Variants in NEDD4 observed in about 807,000 individuals in gnomAD.
NEDD4 encodes E3 ubiquitin-protein ligase NEDD4.
In NEDD4, 99 loss-of-function variants were observed where a neutral mutation model predicts 144.9. The observed-to-expected ratio is 0.68, with a 90% CI of 0.58 to 0.81. The LOEUF (loss-of-function observed/expected upper bound fraction) is 0.81, where lower values mean the gene tolerates loss of function less well. NEDD4 is among the 30% of genes least tolerant of loss of function. The pLI is 0.00. For missense variants in NEDD4, 985 were observed against 1,065.9 expected, an observed-to-expected ratio of 0.92 and a Z score of 1.06; for synonymous variants, 318 against 350.6, an observed-to-expected ratio of 0.91 and a Z score of 1.04.
At chr15:55,868,657 T>C (rs1324490146) in intron 8 of NEDD4, among the ~76,000 whole-genome samples, 1 of 152,126 alleles carries the variant, frequency 6.6e-6, no homozygotes, top group East Asian at 1.9e-4. Flanking sequence ...TGGAACTGAG[T>C]CCATTAAACC....
At chr15:55,954,412 T>C (rs1370582698) in intron 2 of NEDD4, among the ~76,000 whole-genome samples, 3 of 152,202 alleles carry the variant, frequency 2.0e-5, no homozygotes, top group Non-Finnish European at 4.4e-5. Context: ...CAACTAACTA[T>C]ATACTATTAA....
At chr15:55,915,258 A>G (rs2036398544) in intron 5 of NEDD4, 2 of 1,525,748 alleles carry the variant, frequency 1.3e-6, no homozygotes, top group South Asian at 2.7e-5. Context: ...ATAAATTAAC[A>G]TTTACCAAGA....
At chr15:55,900,464 G>C (rs1373130322) in intron 5 of NEDD4, among the ~76,000 whole-genome samples, 2 of 152,154 alleles carry the variant, frequency 1.3e-5, no homozygotes, top group Non-Finnish European at 2.9e-5. Context: ...GATTTGACTA[G>C]CTTGCTCCAA....
At chr15:55,939,140 C>T (rs1283171328) in intron 4 of NEDD4, among the ~76,000 whole-genome samples, 2 of 122,294 alleles carry the variant, frequency 1.6e-5, no homozygotes, top group African/African-American at 6.2e-5. Context: ...AAAAACCCAC[C>T]ACCAACAATA....
chr15:55,974,590 A>G (rs1436115203), intron 1 of NEDD4, among the ~76,000 whole-genome samples: 2 of 152,202 alleles, frequency 1.3e-5, no homozygotes, highest in African/African-American at 4.8e-5. Flanking sequence ...TGGGATTCAT[A>G]TCAGGGATGA....
chr15:55,983,599 AATT>A (rs1431810833), intron 1 of NEDD4, among the ~76,000 whole-genome samples: 1 of 149,030 alleles, frequency 6.7e-6, no homozygotes, highest in Non-Finnish European at 1.5e-5. Context: ...AAAATTAATT[AATT>A]TTTAGATATA....
chr15:55,946,124 A>G lies in NEDD4; in HGVS notation c.237+5252T>C, dbSNP rs552950279. On this transcript the variant is annotated intron_variant, in intron 4 of 28. Coordinates refer to ENST00000435532, the MANE Select transcript of NEDD4 (RefSeq NM_006154.4). ...ACGAGCAAAATAACCAGTGAACATC[A>G]TAATTACAGGATCAAATTCACACAT... Among the ~76,000 whole-genome samples, 6 of 152,216 alleles carry G rather than the reference A, an allele frequency of 3.9e-5. No homozygotes were observed. The South Asian group carries it at 8.3e-4, about 21-fold the overall frequency.
At chr15:55,991,743 T>A (rs1296928928) in intron 1 of NEDD4, among the ~76,000 whole-genome samples, 1 of 152,224 alleles carries the variant, frequency 6.6e-6, no homozygotes, top group African/African-American at 2.4e-5. Flanking sequence ...GAAATCCACA[T>A]TTCAAAGGGT....
chr15:55,886,296 C>T (rs1199695264), intron 5 of NEDD4, among the ~76,000 whole-genome samples: 2 of 152,262 alleles, frequency 1.3e-5, no homozygotes, highest in East Asian at 3.9e-4. Context: ...GATATCCGGA[C>T]AGAAAATCAA....
At chr15:55,949,958 A>G (rs1176413390) in intron 4 of NEDD4, among the ~76,000 whole-genome samples, 6 of 152,168 alleles carry the variant, frequency 3.9e-5, no homozygotes, top group Admixed American at 3.9e-4. Context: ...AATTAAAAAA[A>G]AAAAGAAAAT....
intron 2 of NEDD4, among the ~76,000 whole-genome samples, chr15:55,962,159 G>A (rs1228726169): frequency 6.6e-6 from 1 of 152,056 alleles, no homozygotes; most frequent in Non-Finnish European, 1.5e-5. Flanking sequence ...TTTTTGTGTT[G>A]AAATCTATTT....
At chr15:55,883,156 C>T (rs2035255693) in intron 5 of NEDD4, among the ~76,000 whole-genome samples, 1 of 152,156 alleles carries the variant, frequency 6.6e-6, no homozygotes, top group South Asian at 2.1e-4. Flanking sequence ...GGGGAGCCCA[C>T]TTCTCAGTAG....
At chr15:55,847,882 G>T (rs549291303) in intron 17 of NEDD4, among the ~76,000 whole-genome samples, 1 of 151,926 alleles carries the variant, frequency 6.6e-6, no homozygotes, top group Non-Finnish European at 1.5e-5. Flanking sequence ...GTTTCACCAC[G>T]TTGGCCGGGC....
At position 55,850,560 on chromosome 15, in the gene NEDD4, G is replaced by C; in HGVS notation, c.1329C>G (p.Asn443Lys). Residue 443 changes from asparagine to lysine, a missense_variant, in exon 14 of 29, where the codon AAC becomes AAG. Asn to Lys is a moderately conservative substitution (Grantham distance 94). Transcript: ENST00000435532. ...PNGRPFFIDHNTKTTTWEDPR... is the reference protein window; with the variant it reads ...PNGRPFFIDHKTKTTTWEDPR... The stretch of plus-strand genomic sequence containing the variant: ...AAGTTACCCAGGTGGTGGTTTTAGT[G>C]TTGTGGTCAATAAAGAAAGGCCTCC... The C allele has an allele frequency of 6.2e-7, 1 of 1,614,140 alleles. No individual in the cohort carries two copies. The highest frequency in any genetic ancestry group is 8.5e-7 in the Non-Finnish European group (1 of 1,180,008).
At chr15:55,941,667 C>T (rs1020949842) in intron 4 of NEDD4, among the ~76,000 whole-genome samples, 2 of 151,734 alleles carry the variant, frequency 1.3e-5, no homozygotes, top group East Asian at 1.9e-4. Context: ...CAGGTTCAAG[C>T]GATTCTCGTG....
intron 1 of NEDD4, among the ~76,000 whole-genome samples, chr15:55,988,252 C>T (rs2037926944): frequency 8.1e-6 from 1 of 123,848 alleles, no homozygotes; most frequent in Non-Finnish European, 1.6e-5. Flanking sequence ...CATATTCTCA[C>T]TCATAGGTGG....
chr15:55,912,085 T>G (rs1376232065), intron 5 of NEDD4, among the ~76,000 whole-genome samples: 2 of 152,216 alleles, frequency 1.3e-5, no homozygotes, highest in Non-Finnish European at 2.9e-5. Flanking sequence ...CAAATATACA[T>G]TTTTCACCAA....
At chr15:55,930,997 A>G (rs1024867558) in intron 4 of NEDD4, among the ~76,000 whole-genome samples, 5 of 152,190 alleles carry the variant, frequency 3.3e-5, no homozygotes, top group Non-Finnish European at 7.3e-5. Flanking sequence ...GATTTTAAAA[A>G]CTGTACATAC....
chr15:55,883,678 AAC>A (rs140836346), intron 5 of NEDD4, among the ~76,000 whole-genome samples: 1,709 of 139,424 alleles, frequency 0.012, 31 homozygotes, highest in African/African-American at 0.042. Context: ...CAGGCATCTC[AAC>A]ACACACACAC....
Sources: gnomAD v4.1 joint callset for allele counts (sites outside exome capture counted in the v4.1 genomes callset) on GRCh38, gnomAD v4.1.1 for gene constraint, MANE v1.5 for transcripts, NCBI Gene and HGNC (gene_info 2026-07-23, HGNC 2026-07-21) for gene names.